Variants in PRKCB observed in about 807,000 individuals in gnomAD.
The protein encoded by PRKCB is protein kinase C beta, also known as protein kinase C beta type.
PRKCB carries 13 observed loss-of-function variants against 81.5 expected under a neutral mutation model. The observed-to-expected ratio is 0.16, with a 90% CI of 0.10 to 0.25. The LOEUF is 0.25. Among genes scored for constraint, PRKCB ranks in the 10% least tolerant of loss-of-function variants. The probability of loss-of-function intolerance (pLI) is 1.00; values close to 1 mark genes in which losing one functional copy is unlikely to be tolerated. For missense variants in PRKCB, 509 were observed against 875.7 expected, an observed-to-expected ratio of 0.58 and a Z score of 5.29; for synonymous variants, 335 against 321.4, an observed-to-expected ratio of 1.04 and a Z score of -0.45.
At chr16:24,044,291 G>A (rs377001191) in intron 5 of PRKCB, among the ~76,000 whole-genome samples, 3 of 152,286 alleles carry the variant, frequency 2.0e-5, no homozygotes, top group South Asian at 4.1e-4. Context: ...CCCTGCAGGT[G>A]GAGTTTGCAG....
intron 5 of PRKCB, among the ~76,000 whole-genome samples, chr16:24,042,861 C>T (rs1965719883): frequency 6.6e-6 from 1 of 151,936 alleles, no homozygotes; most frequent in Non-Finnish European, 1.5e-5. Context: ...CCTCAGCCTA[C>T]AAAGTAGCTG....
At chr16:24,125,750 G>A (rs1020006455) in intron 9 of PRKCB, among the ~76,000 whole-genome samples, 1 of 152,324 alleles carries the variant, frequency 6.6e-6, no homozygotes, top group East Asian at 1.9e-4. Flanking sequence ...CAGATTGAAT[G>A]CGTGGATTCT....
At chr16:24,046,062 G>T (rs1006497858) in intron 5 of PRKCB, among the ~76,000 whole-genome samples, 6 of 152,274 alleles carry the variant, frequency 3.9e-5, no homozygotes, top group African/African-American at 1.4e-4. Context: ...CTTCTGGCTT[G>T]AGCCATTTGT....
At chr16:24,107,001 C>T (rs1966587342) in intron 7 of PRKCB, among the ~76,000 whole-genome samples, 1 of 152,272 alleles carries the variant, frequency 6.6e-6, no homozygotes, top group South Asian at 2.1e-4. Context: ...TTCGGTTCAA[C>T]TCCAATCTAA....
intron 2 of PRKCB, among the ~76,000 whole-genome samples, chr16:23,970,833 G>C (rs1488607600): frequency 2.0e-5 from 3 of 152,204 alleles, no homozygotes; most frequent in Non-Finnish European, 4.4e-5. Context: ...ACAGGTGACT[G>C]AGGTGCAGAG....
chr16:24,219,657 CACA>C lies in PRKCB; in HGVS notation c.*4842_*4844del, dbSNP rs1567417770. The stretch of plus-strand genomic sequence containing the variant: ...CCTAAAGCCAAAGAAAATACAGCAA[CACA>C]CACACACACACACACACACACACAC... On this transcript the variant is annotated 3_prime_UTR_variant, in exon 17 of 17. Transcript: ENST00000643927. 49,531 of 627,026 alleles carry C rather than the reference CACA, an allele frequency of 0.079. 712 individuals carry two copies. The highest frequency in any genetic ancestry group is 0.083 in the Non-Finnish European group (41,815 of 506,540). 38.8% of individuals were successfully genotyped at this position (627,026 alleles called of 1,614,324 possible).
At chr16:23,880,879 A>C (rs1963095633) in intron 2 of PRKCB, among the ~76,000 whole-genome samples, 1 of 152,166 alleles carries the variant, frequency 6.6e-6, no homozygotes, top group Non-Finnish European at 1.5e-5. Flanking sequence ...AGATGACATA[A>C]GAGACTATCT....
intron 5 of PRKCB, among the ~76,000 whole-genome samples, chr16:24,065,242 A>G (rs987625046): frequency 2.0e-5 from 3 of 151,490 alleles, no homozygotes; most frequent in Admixed American, 6.6e-5. Context: ...ACCACTTCCT[A>G]TGATTTTTCG....
At chr16:24,025,160 C>T (rs562815927) in intron 3 of PRKCB, among the ~76,000 whole-genome samples, 9 of 152,220 alleles carry the variant, frequency 5.9e-5, no homozygotes, top group Admixed American at 1.3e-4. Flanking sequence ...CTAATCTGTG[C>T]TGCACAGCCC....
chr16:23,863,736 C>T (rs987112399), intron 2 of PRKCB, among the ~76,000 whole-genome samples: 4 of 152,254 alleles, frequency 2.6e-5, no homozygotes, highest in African/African-American at 9.6e-5. Context: ...ATCAGGGTTC[C>T]TGGACTGGCT....
chr16:23,979,271 T>A (rs1964663877), intron 2 of PRKCB, among the ~76,000 whole-genome samples: 3 of 152,128 alleles, frequency 2.0e-5, no homozygotes, highest in Admixed American at 2.0e-4. Flanking sequence ...TCCAGGCAGC[T>A]CAGCTGTAGA....
At chr16:24,149,728 G>T (rs1967048942) in intron 9 of PRKCB, among the ~76,000 whole-genome samples, 1 of 152,128 alleles carries the variant, frequency 6.6e-6, no homozygotes, top group Admixed American at 6.5e-5. Flanking sequence ...ACTGGAATTT[G>T]CCTTGTTTTA....
intron 3 of PRKCB, among the ~76,000 whole-genome samples, chr16:24,020,989 T>C (rs549582121): frequency 1.1e-3 from 136 of 122,164 alleles, no homozygotes; most frequent in African/African-American, 4.4e-3. Context: ...TCTTTCTTTC[T>C]TTCTTTCTTT....
intron 2 of PRKCB, among the ~76,000 whole-genome samples, chr16:23,973,876 G>T (rs1319112354): frequency 6.6e-6 from 1 of 151,608 alleles, no homozygotes; most frequent in Admixed American, 6.6e-5. Context: ...TTGCTGTGTT[G>T]CCCAGGCTGG....
rs1346835061 is a variant in PRKCB at position 23,980,607 on chromosome 16, CTT to C, written c.206-7900_206-7899del. Among the ~76,000 whole-genome samples the C allele has an allele frequency of 2.6e-5, 4 of 152,156 alleles. No individual in the cohort carries two copies. In the East Asian group the frequency reaches 7.7e-4, roughly 29 times the overall value. On this transcript the variant is annotated intron_variant, in intron 2 of 16. Coordinates refer to ENST00000643927, the MANE Select transcript of PRKCB (RefSeq NM_002738.7). ...ACGAAGGTCCTCCTGCTTCCAGAAA[CTT>C]AGCCTGTAATTCCTGTAGGTGATGG...
intron 5 of PRKCB, among the ~76,000 whole-genome samples, chr16:24,087,278 A>G (rs1966320888): frequency 6.6e-6 from 1 of 152,204 alleles, no homozygotes; most frequent in South Asian, 2.1e-4. Flanking sequence ...GAGGCATTAT[A>G]TTGCCCTCAT....
chr16:24,188,011 A>G (rs1967731087), intron 15 of PRKCB, among the ~76,000 whole-genome samples: 1 of 152,248 alleles, frequency 6.6e-6, no homozygotes. Context: ...TAATACATCC[A>G]CAGGGTCCTC....
chr16:23,979,064 T>A (rs1021598648), intron 2 of PRKCB, among the ~76,000 whole-genome samples: 1 of 152,190 alleles, frequency 6.6e-6, no homozygotes, highest in Non-Finnish European at 1.5e-5. Context: ...AGGGATAATA[T>A]TGACACTTCT....
At chr16:23,909,556 T>A (rs370099608) in intron 2 of PRKCB, among the ~76,000 whole-genome samples, 1 of 152,160 alleles carries the variant, frequency 6.6e-6, no homozygotes, top group South Asian at 2.1e-4. Context: ...GCTTTTTGAG[T>A]AACCATCACC....
Sources: allele counts gnomAD v4.1 joint callset (sites outside exome capture counted in the v4.1 genomes callset), GRCh38; gene constraint gnomAD v4.1.1; transcripts MANE v1.5; gene names NCBI Gene and HGNC (gene_info 2026-07-23, HGNC 2026-07-21).